ZPBP: variants seen among roughly 807,000 people sequenced by gnomAD.
ZPBP encodes zona pellucida-binding protein 1.
In ZPBP, 26 loss-of-function variants were observed where a neutral mutation model predicts 44.8. The ratio of observed to expected loss-of-function variants is 0.58; its 90% CI spans 0.43 to 0.81. The LOEUF (loss-of-function observed/expected upper bound fraction) is 0.81, where lower values mean the gene tolerates loss of function less well. Ranked by LOEUF, ZPBP falls within the 30% of genes least tolerant of loss-of-function variation. ZPBP has a pLI of 0.00. For synonymous variants in ZPBP, 174 were observed against 153.2 expected, an observed-to-expected ratio of 1.14 and a Z score of -1.00; for missense variants, 409 against 434.0, an observed-to-expected ratio of 0.94 and a Z score of 0.51.
chr7:50,075,619 G>A (rs896608345), intron 3 of ZPBP, among the ~76,000 whole-genome samples: 2 of 151,894 alleles, frequency 1.3e-5, no homozygotes, highest in Non-Finnish European at 2.9e-5. Flanking sequence ...TGATTACTAT[G>A]AGCAACTATA....
At chr7:49,875,396 A>AAAAAAAAAAAAAC (rs1791370719) in intron 2 of ZPBP, among the ~76,000 whole-genome samples, 1 of 148,720 alleles carries the variant, frequency 6.7e-6, no homozygotes, top group Non-Finnish European at 1.5e-5. Flanking sequence ...AAAAAAAAAA[A>AAAAAAAAAAAAAC]ACAGGAATAA....
At chr7:50,012,062 G>GA (rs915487122) in intron 6 of ZPBP, among the ~76,000 whole-genome samples, 3 of 148,726 alleles carry the variant, frequency 2.0e-5, no homozygotes, top group African/African-American at 2.5e-5. Context: ...AAGGAAATTA[G>GA]AAAAAAAACT....
chr7:49,993,550 T>G (rs1797662442), intron 6 of ZPBP, among the ~76,000 whole-genome samples: 1 of 152,198 alleles, frequency 6.6e-6, no homozygotes, highest in South Asian at 2.1e-4. Flanking sequence ...TTAAAAACAA[T>G]AAATTGTAAA....
rs28480266 is a variant in ZPBP, at chr7:49,851,269, G to A, written n.510-755C>T. ...ATTTAGGGCCACTTGGGTAATCCAG[G>A]ATGATCTCATCTCCAGACCCTTCTT... On this transcript the variant is annotated intron_variant and non_coding_transcript_variant, in intron 2 of 2. Transcript: ENST00000465922. 7.8e-3 allele frequency among the ~76,000 whole-genome samples: 1,186 copies of A among 152,260 alleles called. 18 individuals are homozygous for A. Among genetic ancestry groups the A allele is most frequent in the African/African-American group, 0.027 (1,115 of 41,546 alleles).
rs534923625 is a variant in ZPBP, at chr7:49,873,264, A to G, written n.510-22750T>C. Among the ~76,000 whole-genome samples, 17 of 152,336 alleles carry G rather than the reference A, an allele frequency of 1.1e-4. No homozygotes were observed. The South Asian group carries it at 3.3e-3, about 30-fold the overall frequency. On this transcript the variant is annotated intron_variant and non_coding_transcript_variant, in intron 2 of 2. Coordinates refer to the ZPBP transcript ENST00000465922. ...TACAGTTTTGGTGGCTGGAAGTCCA[A>G]TATCAAGAGGCCTGCAGATTCAGTG...
chr7:49,962,336 CT>C (rs1157077882), intron 7 of ZPBP, among the ~76,000 whole-genome samples: 1 of 151,850 alleles, frequency 6.6e-6, no homozygotes, highest in South Asian at 2.1e-4. Context: ...TGTAAGGTTG[CT>C]TTAACATATG....
chr7:50,045,100 C>A (rs1800282033), intron 4 of ZPBP, among the ~76,000 whole-genome samples: 2 of 152,088 alleles, frequency 1.3e-5, no homozygotes, highest in African/African-American at 4.8e-5. Context: ...AATACAACAC[C>A]CCTTTATGCT....
downstream of ZPBP, among the ~76,000 whole-genome samples, chr7:49,847,071 T>C (rs535674823): frequency 5.3e-5 from 8 of 152,258 alleles, no homozygotes; most frequent in South Asian, 1.5e-3. Context: ...TGTTGGCTTG[T>C]TATTTGCAAA....
intron 7 of ZPBP, among the ~76,000 whole-genome samples, chr7:49,952,431 A>T (rs574504208): frequency 5.3e-5 from 8 of 152,024 alleles, no homozygotes; most frequent in Non-Finnish European, 1.0e-4. Context: ...ATATACAAAG[A>T]ACTCCACTTT....
rs73116910 is a variant in ZPBP at position 50,033,682 on chromosome 7, A to G, written c.488-2372T>C. 5.6e-3 allele frequency among the ~76,000 whole-genome samples: 238 copies of G among 42,730 alleles called. 1 individual carries two copies. The highest frequency in any genetic ancestry group is 0.028 in the African/African-American group (201 of 7,056). The allele number at this position is 42,730 out of a possible 152,430, so 28.0% of individuals were successfully genotyped here. On this transcript the variant is annotated intron_variant, in intron 4 of 7. Transcript: ENST00000046087. ...TCAATAATTATTCTTTCTACAGTTT[A>G]TTTATTTATTTATTTATTTATTTAT...
intron 6 of ZPBP, among the ~76,000 whole-genome samples, chr7:49,998,930 C>T (rs1285616880): frequency 6.6e-6 from 1 of 151,996 alleles, no homozygotes; most frequent in East Asian, 1.9e-4. Flanking sequence ...ACAGGTTGAG[C>T]ATCTCTAATT....
At chr7:49,890,967 C>T (rs1792102236) in intron 2 of ZPBP, among the ~76,000 whole-genome samples, 1 of 151,444 alleles carries the variant, frequency 6.6e-6, no homozygotes, top group East Asian at 1.9e-4. Context: ...ATAAAAGGAA[C>T]AAAAAAAGAT....
At chr7:49,967,525 G>A (rs1388187320) in intron 7 of ZPBP, among the ~76,000 whole-genome samples, 1 of 151,770 alleles carries the variant, frequency 6.6e-6, no homozygotes, top group East Asian at 1.9e-4. Flanking sequence ...AATGGGATGA[G>A]ATTTATTTTA....
At chr7:50,078,854 AAAAC>A in intron 3 of ZPBP, among the ~76,000 whole-genome samples, 1 of 151,468 alleles carries the variant, frequency 6.6e-6, no homozygotes, top group Non-Finnish European at 1.5e-5. Context: ...GGAACTTAAC[AAAAC>A]AAACAAAAAT....
chr7:49,962,150 G>C (rs1795886411), intron 7 of ZPBP, among the ~76,000 whole-genome samples: 1 of 151,792 alleles, frequency 6.6e-6, no homozygotes, highest in Admixed American at 6.6e-5. Context: ...ACTCATTTCT[G>C]AAACAGCAGT....
At chr7:49,929,888 A>G (rs781277507) in intron 1 of ZPBP, among the ~76,000 whole-genome samples, 3 of 152,202 alleles carry the variant, frequency 2.0e-5, no homozygotes, top group Non-Finnish European at 2.9e-5. Flanking sequence ...GATGATTTGT[A>G]TAAGAAAAAG....
At chr7:49,911,211 C>T (rs561127416) in intron 1 of ZPBP, among the ~76,000 whole-genome samples, 4 of 152,118 alleles carry the variant, frequency 2.6e-5, no homozygotes, top group South Asian at 2.1e-4. Flanking sequence ...GGGCTGGGAG[C>T]GGTGGCTTAC....
chr7:49,937,289 C>G (rs1438735947), downstream of ZPBP, among the ~76,000 whole-genome samples: 1 of 151,994 alleles, frequency 6.6e-6, no homozygotes, highest in African/African-American at 2.4e-5. Context: ...ATATTTGAAA[C>G]TATTTTTAAA....
intron 7 of ZPBP, among the ~76,000 whole-genome samples, chr7:49,962,009 A>C (rs1795880078): frequency 6.6e-6 from 1 of 152,070 alleles, no homozygotes; most frequent in African/African-American, 2.4e-5. Flanking sequence ...AACACACACA[A>C]ACTTTCCCAT....
Sources: allele counts gnomAD v4.1 joint callset (sites outside exome capture counted in the v4.1 genomes callset), GRCh38; gene constraint gnomAD v4.1.1; transcripts MANE v1.5; gene names NCBI Gene and HGNC (gene_info 2026-07-23, HGNC 2026-07-21).